Variants in LOC128706666 observed in about 807,000 individuals in gnomAD.
At chr20:10,419,545 T>C in the LOC128706666 span, among the ~76,000 whole-genome samples, 2 of 152,170 alleles carry the variant, frequency 1.3e-5, no homozygotes, top group South Asian at 2.1e-4. Context: ...AAACTACATA[T>C]AGCACTAAAC....
At chr20:10,423,770 T>C in the LOC128706666 span, among the ~76,000 whole-genome samples, 1 of 152,248 alleles carries the variant, frequency 6.6e-6, no homozygotes, top group Non-Finnish European at 1.5e-5. Context: ...TAAGGATCGA[T>C]GAATCTTTTT....
At chr20:10,430,093 T>C in the LOC128706666 span, among the ~76,000 whole-genome samples, 9 of 152,248 alleles carry the variant, frequency 5.9e-5, no homozygotes, top group South Asian at 6.2e-4. Flanking sequence ...CTTAAAAGCC[T>C]TTAGTGACAT....
the LOC128706666 span, among the ~76,000 whole-genome samples, chr20:10,422,203 A>G: frequency 3.0e-3 from 451 of 152,302 alleles, 2 homozygotes; most frequent in Non-Finnish European, 5.2e-3. Flanking sequence ...GTCTCAATTC[A>G]TATTTTATAA....
chr20:10,425,157 GAA>G, the LOC128706666 span, among the ~76,000 whole-genome samples: 1 of 152,004 alleles, frequency 6.6e-6, no homozygotes, highest in Non-Finnish European at 1.5e-5. Context: ...TAGAAACAAG[GAA>G]AAGAGAGCTA....
the LOC128706666 span, among the ~76,000 whole-genome samples, chr20:10,430,912 A>T: frequency 3.9e-5 from 6 of 152,244 alleles, no homozygotes; most frequent in East Asian, 1.9e-4. Context: ...GGTCTGAAAC[A>T]ACGTTTTACA....
the LOC128706666 span, chr20:10,433,972 T>C: frequency 2.6e-5 from 4 of 152,260 alleles, no homozygotes; most frequent in African/African-American, 9.7e-5. Flanking sequence ...CTCCTCCTTG[T>C]CCCCGCCCTC....
chr20:10,428,458 T>TA, the LOC128706666 span, among the ~76,000 whole-genome samples: 1 of 152,222 alleles, frequency 6.6e-6, no homozygotes, highest in African/African-American at 2.4e-5. Context: ...TTTCTGCAGA[T>TA]AACCTATTGG....
At chr20:10,415,026 C>T in the LOC128706666 span, among the ~76,000 whole-genome samples, 1 of 151,996 alleles carries the variant, frequency 6.6e-6, no homozygotes, top group African/African-American at 2.4e-5. Context: ...AGTCTAAATA[C>T]CATAAAATGT....
chr20:10,427,031 C>CACACACACAGACACACACACAG, the LOC128706666 span, among the ~76,000 whole-genome samples: 1 of 29,740 alleles, frequency 3.4e-5, no homozygotes, highest in African/African-American at 7.5e-5. Context: ...AAAACACTGA[C>CACACACACAGACACACACACAG]ACACACACAC....
At chr20:10,417,492 T>C in the LOC128706666 span, among the ~76,000 whole-genome samples, 1 of 152,158 alleles carries the variant, frequency 6.6e-6, no homozygotes, top group African/African-American at 2.4e-5. Flanking sequence ...ATGCCTATAG[T>C]CCCAGCTACT....
chr20:10,433,581 C>G, the LOC128706666 span, among the ~76,000 whole-genome samples: 3 of 152,322 alleles, frequency 2.0e-5, no homozygotes, highest in African/African-American at 7.2e-5. Flanking sequence ...GGAAGACGAG[C>G]ATGACCTTAG....
the LOC128706666 span, among the ~76,000 whole-genome samples, chr20:10,429,976 T>C: frequency 2.0e-5 from 3 of 152,240 alleles, no homozygotes; most frequent in Non-Finnish European, 2.9e-5. Flanking sequence ...CCCACTGTTC[T>C]AGTCTACATC....
chr20:10,424,125 A>G, the LOC128706666 span, among the ~76,000 whole-genome samples: 3 of 152,322 alleles, frequency 2.0e-5, no homozygotes, highest in African/African-American at 7.2e-5. Flanking sequence ...TAATTCACAT[A>G]AAAACAATAA....
the LOC128706666 span, among the ~76,000 whole-genome samples, chr20:10,429,955 A>G: frequency 2.6e-4 from 40 of 152,216 alleles, no homozygotes; most frequent in African/African-American, 8.9e-4. Flanking sequence ...TTCTGAAGCT[A>G]AAGTTTGAGA....
chr20:10,433,962 C>T, the LOC128706666 span: 3 of 152,306 alleles, frequency 2.0e-5, no homozygotes, highest in African/African-American at 7.2e-5. Context: ...GAGAGCCAGC[C>T]TCCTCCTTGT....
the LOC128706666 span, chr20:10,413,845 C>T: frequency 2.2e-6 from 1 of 450,182 alleles, no homozygotes; most frequent in Non-Finnish European, 3.9e-6. Context: ...GATATCCCAG[C>T]TACAAGAAGC....
the LOC128706666 span, among the ~76,000 whole-genome samples, chr20:10,414,169 A>AT: frequency 3.9e-5 from 6 of 152,162 alleles, no homozygotes; most frequent in Non-Finnish European, 8.8e-5. Context: ...AAGGCACAAC[A>AT]ACATGGCTAG....
the LOC128706666 span, among the ~76,000 whole-genome samples, chr20:10,421,165 C>T: frequency 2.6e-5 from 4 of 152,070 alleles, no homozygotes; most frequent in Non-Finnish European, 4.4e-5. Context: ...GGTGGTGGCT[C>T]ACGCCTGTAT....
the LOC128706666 span, chr20:10,413,744 A>C: frequency 3.3e-6 from 2 of 603,650 alleles, no homozygotes; most frequent in African/African-American, 1.9e-5. Context: ...TTCACTCTTC[A>C]ATACTCTTTT....
Sources: allele counts gnomAD v4.1 joint callset (sites outside exome capture counted in the v4.1 genomes callset), GRCh38; gene constraint gnomAD v4.1.1; transcripts MANE v1.5.